The following IQCK variants were observed in gnomAD, a reference collection of about 807,000 sequenced individuals.
IQCK encodes IQ domain-containing protein K.
Under a neutral mutation model 28.1 loss-of-function variants are expected in IQCK, and 29 were observed. The observed-to-expected ratio is 1.03, with a 90% CI of 0.77 to 1.41. The LOEUF (loss-of-function observed/expected upper bound fraction) is 1.41. Ranked by LOEUF, IQCK falls within the 40% of genes most tolerant of loss-of-function variation. IQCK has a pLI of 0.00. For missense variants in IQCK, 359 were observed against 314.7 expected, an observed-to-expected ratio of 1.14 and a Z score of -1.07; for synonymous variants, 113 against 115.1, an observed-to-expected ratio of 0.98 and a Z score of 0.12.
chr16:19,770,638 G>T (rs8046628), intron 6 of IQCK, among the ~76,000 whole-genome samples: 41,261 of 147,582 alleles, frequency 0.28, 7,711 homozygotes, highest in African/African-American at 0.55. Context: ...GGGGGGCGGG[G>T]GGGTGACAGG....
rs374665403 is a variant in IQCK, at chr16:19,737,676, A to G, written c.474+2226A>G. On this transcript the variant is annotated intron_variant, in intron 4 of 7. Transcript: ENST00000564186. ...TCACTAGCCCTCAGCCTAGCTTTCA[A>G]GGCTCTGCCTAGTTCATGTGTTCAT... Among the ~76,000 whole-genome samples the G allele has an allele frequency of 7.2e-4, 109 of 152,214 alleles. 4 individuals are homozygous for G. In the South Asian group the frequency reaches 0.02, roughly 28 times the overall value.
intron 7 of IQCK, among the ~76,000 whole-genome samples, chr16:19,811,983 TA>T (rs1002883073): frequency 5.0e-5 from 7 of 140,734 alleles, no homozygotes; most frequent in African/African-American, 2.1e-4. Flanking sequence ...GAAATAGCCT[TA>T]ATTTTTTTTT....
rs911619155 is a variant in IQCK, at chr16:19,797,622, A to AC, written c.690+8700_690+8701insC. Reference sequence around the variant, plus strand: ...CCCCTTTGAGGCCTTGCAAAAAAAAAAAAAAAACAAAAAAACCAATAAAAT... The same window carrying AC: ...CCCCTTTGAGGCCTTGCAAAAAAAAACAAAAAAACAAAAAAACCAATAAAAT... On this transcript the variant is annotated intron_variant, in intron 7 of 7. Transcript: ENST00000564186. Among the ~76,000 whole-genome samples, 3 of 128,196 alleles carry AC rather than the reference A, an allele frequency of 2.3e-5. 1 individual carries two copies. Among genetic ancestry groups the AC allele is most frequent in the African/African-American group, 1.0e-4 (3 of 28,916 alleles). 84.1% of individuals were successfully genotyped at this position (128,196 alleles called of 152,430 possible).
At chr16:19,718,275 C>G (rs776722648), upstream of IQCK, 4 of 1,578,082 alleles carry the variant, frequency 2.5e-6, no homozygotes, top group Non-Finnish European at 3.4e-6. Flanking sequence ...CGCGGCCTTC[C>G]GGCGAACGCG....
intron 4 of IQCK, among the ~76,000 whole-genome samples, chr16:19,759,162 A>G (rs1044832881): frequency 2.6e-5 from 4 of 152,168 alleles, no homozygotes; most frequent in African/African-American, 9.7e-5. Flanking sequence ...TTTACTCAAC[A>G]GGGACTGCTC....
At chr16:19,761,504 G>A (rs1303470015) in intron 4 of IQCK, 1 of 439,872 alleles carries the variant, frequency 2.3e-6, no homozygotes, top group African/African-American at 2.0e-5. Flanking sequence ...TCTTGGGAAG[G>A]ATCTCTCCAC....
chr16:19,763,523 A>G (rs1031502121), intron 4 of IQCK, among the ~76,000 whole-genome samples: 3 of 151,808 alleles, frequency 2.0e-5, no homozygotes, highest in South Asian at 2.1e-4. Context: ...GCTCACTGCA[A>G]CCTCCACCTC....
chr16:19,824,870 G>A (rs964490033), intron 7 of IQCK, among the ~76,000 whole-genome samples: 13 of 152,120 alleles, frequency 8.5e-5, no homozygotes, highest in Admixed American at 7.2e-4. Context: ...CTCTTGCAGA[G>A]GCCAGTATCT....
At chr16:19,834,063 G>A (rs971283920) in intron 9 of IQCK, among the ~76,000 whole-genome samples, 3 of 152,152 alleles carry the variant, frequency 2.0e-5, no homozygotes, top group Non-Finnish European at 4.4e-5. Flanking sequence ...ACACCAGCCT[G>A]GGTAATGAGC....
At chr16:19,723,971 A>G (rs1231974990) in intron 1 of IQCK, among the ~76,000 whole-genome samples, 1 of 151,880 alleles carries the variant, frequency 6.6e-6, no homozygotes, top group African/African-American at 2.4e-5. Context: ...AAAAAAAAAA[A>G]AAAAAGCAGC....
intron 7 of IQCK, among the ~76,000 whole-genome samples, chr16:19,809,577 T>C (rs747376734): frequency 7.9e-5 from 12 of 152,220 alleles, no homozygotes; most frequent in Non-Finnish European, 1.6e-4. Context: ...AACACAGCAC[T>C]TCAGTTACTG....
chr16:19,855,067 T>C (rs368950275), intron 9 of IQCK, among the ~76,000 whole-genome samples: 6 of 152,322 alleles, frequency 3.9e-5, no homozygotes, highest in African/African-American at 1.4e-4. Context: ...ATTTGATAGT[T>C]GTCAAACATA....
chr16:19,832,226 G>A (rs1004920682), intron 9 of IQCK, among the ~76,000 whole-genome samples: 6 of 151,608 alleles, frequency 4.0e-5, no homozygotes, highest in African/African-American at 7.3e-5. Context: ...CATTACCTAT[G>A]TGTGTGTATA....
chr16:19,807,817 G>A (rs974078525), intron 7 of IQCK, among the ~76,000 whole-genome samples: 2 of 152,254 alleles, frequency 1.3e-5, no homozygotes, highest in South Asian at 4.1e-4. Context: ...TAAATGAAAT[G>A]GTGCAGGTTG....
intron 9 of IQCK, among the ~76,000 whole-genome samples, chr16:19,850,761 CCCT>C (rs1453396644): frequency 6.6e-6 from 1 of 152,070 alleles, no homozygotes; most frequent in African/African-American, 2.4e-5. Flanking sequence ...ACACCTGTGA[CCCT>C]ATCATCTTGG....
At chr16:19,806,518 A>G (rs1383813357) in intron 7 of IQCK, among the ~76,000 whole-genome samples, 1 of 137,210 alleles carries the variant, frequency 7.3e-6, no homozygotes, top group African/African-American at 3.4e-5. Flanking sequence ...AAATGAACTC[A>G]CTACAAAAAA....
chr16:19,768,613 G>A (rs59353532), intron 6 of IQCK, among the ~76,000 whole-genome samples: 7,013 of 152,196 alleles, frequency 0.046, 196 homozygotes, highest in Middle Eastern at 0.082. Flanking sequence ...GGGCATGGTG[G>A]TGTGCGTCTG....
At chr16:19,757,357 T>C (rs1301353871) in intron 4 of IQCK, among the ~76,000 whole-genome samples, 1 of 152,186 alleles carries the variant, frequency 6.6e-6, no homozygotes, top group Non-Finnish European at 1.5e-5. Flanking sequence ...CAAAATACTG[T>C]CTGGATTGAA....
At chr16:19,853,848 G>C (rs894669872) in intron 9 of IQCK, among the ~76,000 whole-genome samples, 2 of 152,156 alleles carry the variant, frequency 1.3e-5, no homozygotes, top group Non-Finnish European at 2.9e-5. Flanking sequence ...GGCTGGTCTC[G>C]AACCCCTGAC....
Sources: allele counts gnomAD v4.1 joint callset (sites outside exome capture counted in the v4.1 genomes callset), GRCh38; gene constraint gnomAD v4.1.1; transcripts MANE v1.5; gene names NCBI Gene and HGNC (gene_info 2026-07-23, HGNC 2026-07-21).